ARNT2: variants seen among roughly 807,000 people sequenced by gnomAD.
ARNT2 encodes aryl hydrocarbon receptor nuclear translocator 2, also known as ARNT protein 2.
Under a neutral mutation model 91.7 loss-of-function variants are expected in ARNT2, and 36 were observed. That is an observed-to-expected ratio of 0.39 (90% CI 0.30 to 0.52). ARNT2 has a LOEUF of 0.52. ARNT2 is among the 20% of genes least tolerant of loss of function. The pLI is 0.72. For synonymous variants in ARNT2, 365 were observed against 347.1 expected, an observed-to-expected ratio of 1.05 and a Z score of -0.57; for missense variants, 775 against 939.3, an observed-to-expected ratio of 0.83 and a Z score of 2.29.
At chr15:80,434,704 G>T (rs963753342) in intron 1 of ARNT2, among the ~76,000 whole-genome samples, 5 of 152,070 alleles carry the variant, frequency 3.3e-5, no homozygotes, top group Non-Finnish European at 7.4e-5. Context: ...GAGGGGACAG[G>T]TAGACCGGGA....
chr15:80,552,668 T>C lies in ARNT2; in HGVS notation c.983T>C (p.Met328Thr). Residue 328 changes from methionine to threonine, a missense_variant, in exon 10 of 19, where the codon ATG (methionine) becomes ACG (threonine). By Grantham distance (81) the Met-to-Thr change is moderately conservative (BLOSUM62 -1). Coordinates refer to ENST00000303329, the MANE Select transcript of ARNT2 (RefSeq NM_014862.4). ...QVTSSPVCMD[M>T]NGMSVPTEFL... Reference sequence around the variant, plus strand: ...ACCAGCTCTCCTGTATGCATGGACATGAATGGGATGTCGGTGCCCACAGAG... The same window carrying C: ...ACCAGCTCTCCTGTATGCATGGACACGAATGGGATGTCGGTGCCCACAGAG... 6.2e-7 allele frequency: 1 copy of C among 1,614,148 alleles called. No individual in the cohort carries two copies. Among genetic ancestry groups the C allele is most frequent in the Non-Finnish European group, 8.5e-7 (1 of 1,179,990 alleles).
rs1276228727 is a variant in ARNT2 at position 80,404,445 on chromosome 15, G to C, written c.-71G>C. 2.8e-6 allele frequency: 3 copies of C among 1,085,998 alleles called. No homozygotes were observed. The African/African-American group carries it at 5.1e-5, about 19-fold the overall frequency. 67.3% of individuals were successfully genotyped at this position (1,085,998 alleles called of 1,614,324 possible). ...CGCCTGGGCCTGACCGGGTCCCCGG[G>C]GCTGAGCGCCGGGCTCCGCGCCGCC... On this transcript the variant is annotated 5_prime_UTR_variant, in exon 1 of 19. Coordinates refer to ENST00000303329, the MANE Select transcript of ARNT2 (RefSeq NM_014862.4). This position sits in a 1 kb window ranked among gnomAD's most constrained non-coding sequence, Gnocchi z 5.5.
intron 2 of ARNT2, among the ~76,000 whole-genome samples, chr15:80,455,833 C>A (rs963449891): frequency 6.6e-6 from 1 of 152,184 alleles, no homozygotes; most frequent in African/African-American, 2.4e-5. Flanking sequence ...ATGTCTCACA[C>A]CCACTTGTGG....
At chr15:80,491,995 TG>T (rs1897063820) in intron 5 of ARNT2, among the ~76,000 whole-genome samples, 1 of 152,166 alleles carries the variant, frequency 6.6e-6, no homozygotes, top group Admixed American at 6.5e-5. Flanking sequence ...CGTCTATTTC[TG>T]GACTCTGTGC....
chr15:80,541,256 T>G (rs1241614300), intron 8 of ARNT2, among the ~76,000 whole-genome samples: 1 of 152,256 alleles, frequency 6.6e-6, no homozygotes, highest in Non-Finnish European at 1.5e-5. Flanking sequence ...GAGCATTTTT[T>G]CATGTGTCTG....
chr15:80,450,818 T>G, intron 1 of ARNT2, 62 bp from the exon 2 acceptor site: 1 of 1,548,224 alleles, frequency 6.5e-7, no homozygotes, highest in Non-Finnish European at 8.9e-7. Flanking sequence ...TATCACAACT[T>G]TCTTGCCCGT....
chr15:80,486,855 C>T (rs1896982919), intron 5 of ARNT2, among the ~76,000 whole-genome samples: 1 of 152,174 alleles, frequency 6.6e-6, no homozygotes, highest in Admixed American at 6.5e-5. Flanking sequence ...TTTGATTTGC[C>T]CCACCATGTA....
At chr15:80,460,830 T>C (rs761316576) in intron 3 of ARNT2, among the ~76,000 whole-genome samples, 1 of 151,968 alleles carries the variant, frequency 6.6e-6, no homozygotes, top group Non-Finnish European at 1.5e-5. Context: ...GGAGAAGTAA[T>C]GGGGATAGCC....
intron 13 of ARNT2, 141 bp downstream of exon 13, chr15:80,574,361 G>T: frequency 1.3e-6 from 1 of 761,266 alleles, no homozygotes. Context: ...CAGACCTACA[G>T]GTCCCCTGGG....
At chr15:80,529,468 C>A (rs1897700095) in intron 8 of ARNT2, among the ~76,000 whole-genome samples, 1 of 151,822 alleles carries the variant, frequency 6.6e-6, no homozygotes, top group African/African-American at 2.4e-5. Context: ...AGTCTGAGAC[C>A]AGCTTTTATT....
At chr15:80,482,614 G>A (rs1474608390) in intron 5 of ARNT2, among the ~76,000 whole-genome samples, 1 of 152,180 alleles carries the variant, frequency 6.6e-6, no homozygotes, top group Non-Finnish European at 1.5e-5. Flanking sequence ...TATCCCTGGG[G>A]CACCAGGAGC....
chr15:80,513,641 G>A (rs112193935), intron 6 of ARNT2, among the ~76,000 whole-genome samples: 7 of 149,306 alleles, frequency 4.7e-5, no homozygotes, highest in African/African-American at 1.7e-4. Context: ...TCTTTCTGTA[G>A]GTCTCCAGCT....
At chr15:80,542,987 C>G (rs1464607355) in intron 8 of ARNT2, among the ~76,000 whole-genome samples, 1 of 150,366 alleles carries the variant, frequency 6.7e-6, no homozygotes, top group Non-Finnish European at 1.5e-5. Context: ...GTCCCAGCTA[C>G]TCAGGAGGCA....
chr15:80,575,801 G>A (rs774574256), intron 14 of ARNT2, among the ~76,000 whole-genome samples: 23 of 152,200 alleles, frequency 1.5e-4, no homozygotes, highest in Non-Finnish European at 2.6e-4. Context: ...ATCACCTGCT[G>A]CGGCACCTGC....
At chr15:80,513,545 A>G (rs559977377) in intron 6 of ARNT2, among the ~76,000 whole-genome samples, 5 of 152,236 alleles carry the variant, frequency 3.3e-5, no homozygotes, top group South Asian at 2.1e-4. Flanking sequence ...TATTGCTGTC[A>G]TCACCCTCTT....
intron 2 of ARNT2, among the ~76,000 whole-genome samples, chr15:80,455,109 T>C (rs1038233060): frequency 6.6e-6 from 1 of 152,236 alleles, no homozygotes; most frequent in East Asian, 1.9e-4. Context: ...CAGCTTATGG[T>C]AGTCCTATGT....
intron 1 of ARNT2, among the ~76,000 whole-genome samples, chr15:80,432,532 G>A (rs971980194): frequency 5.9e-5 from 9 of 152,074 alleles, no homozygotes; most frequent in African/African-American, 1.9e-4. Context: ...CTGTGTCTAC[G>A]GTTGCTTTTG....
intron 1 of ARNT2, among the ~76,000 whole-genome samples, chr15:80,413,843 G>A (rs1895736291): frequency 6.6e-6 from 1 of 152,102 alleles, no homozygotes; most frequent in East Asian, 1.9e-4. Flanking sequence ...GAGGAGGGTG[G>A]CCTTCCATAT....
At chr15:80,406,937 A>G (rs1895609435) in intron 1 of ARNT2, among the ~76,000 whole-genome samples, 2 of 152,122 alleles carry the variant, frequency 1.3e-5, no homozygotes, top group Admixed American at 1.3e-4. Flanking sequence ...TTTAATTTTA[A>G]GGGACATGGC....
Sources: allele counts gnomAD v4.1 joint callset (sites outside exome capture counted in the v4.1 genomes callset), GRCh38; gene constraint gnomAD v4.1.1; non-coding constraint Gnocchi (gnomAD v3.1); transcripts MANE v1.5; gene names NCBI Gene and HGNC (gene_info 2026-07-23, HGNC 2026-07-21).